The following SMS variants were observed in gnomAD, a reference collection of about 807,000 sequenced individuals.
SMS encodes spermidine aminopropyltransferase.
SMS carries 3 observed loss-of-function variants against 33.0 expected under a neutral mutation model. The observed-to-expected ratio is 0.09, with a 90% CI of 0.04 to 0.23. The LOEUF is 0.23. Among genes scored for constraint, SMS ranks in the 10% least tolerant of loss-of-function variants. SMS has a pLI of 1.00. For synonymous variants in SMS, 103 were observed against 112.2 expected (o/e 0.92, Z 0.52); for missense variants, 117 against 288.6 (o/e 0.41, Z 4.31).
chrX:21,970,851 G>A (rs1270825860), intron 2 of SMS, among the ~76,000 whole-genome samples: 1 of 106,738 alleles, frequency 9.4e-6, no homozygotes, highest in Non-Finnish European at 1.9e-5. Flanking sequence ...ATAATTTGTA[G>A]TAGGAGGTAA....
chrX:21,987,591 G>A (rs1364500416), intron 9 of SMS, among the ~76,000 whole-genome samples: 2 of 112,871 alleles, frequency 1.8e-5, no homozygotes, highest in African/African-American at 3.2e-5. Flanking sequence ...CTGAAGTGTT[G>A]AGATTACTGC....
At chrX:21,974,827 C>G (rs1043836117) in intron 4 of SMS, among the ~76,000 whole-genome samples, 1 of 102,054 alleles carries the variant, frequency 9.8e-6, no homozygotes, top group African/African-American at 3.6e-5. Flanking sequence ...CCCTTTGTTA[C>G]TGGCCTCAAA....
chrX:21,982,030 C>T (rs1035444513), intron 7 of SMS, among the ~76,000 whole-genome samples: 3 of 110,517 alleles, frequency 2.7e-5, no homozygotes, highest in African/African-American at 9.9e-5. Context: ...GTCAAATAAC[C>T]TGTAAAAAGT....
At chrX:21,951,134 A>G (rs1049048489) in intron 1 of SMS, among the ~76,000 whole-genome samples, 1 of 112,276 alleles carries the variant, frequency 8.9e-6, no homozygotes, top group Middle Eastern at 4.6e-3. Flanking sequence ...AATAAGGACC[A>G]TTCTAACTGG....
chrX:21,961,034 CTTTTTTTTTTTTT>C (rs773159264), intron 1 of SMS, among the ~76,000 whole-genome samples: 3 of 41,727 alleles, frequency 7.2e-5, no homozygotes, highest in African/African-American at 1.1e-4. Flanking sequence ...ATATGCATGT[CTTTTTTTTTTTTT>C]TTTTTTTTTT....
chrX:21,971,291 T>TAAAA (rs10634009), intron 2 of SMS, among the ~76,000 whole-genome samples: 33,376 of 110,508 alleles, frequency 0.3, 4,082 homozygotes, highest in African/African-American at 0.43. Flanking sequence ...TTTATTTCAT[T>TAAAA]AAGAAAAAGG....
chrX:21,983,370 C>G lies in SMS; in HGVS notation c.751-934C>G, dbSNP rs1168287015. Among the ~76,000 whole-genome samples, 4 of 102,953 alleles carry G rather than the reference C, an allele frequency of 3.9e-5. No homozygotes were observed. The Admixed American group carries it at 4.5e-4, about 12-fold the overall frequency. 89.4% of individuals were successfully genotyped at this position (102,953 alleles called of 115,157 possible). A position where few individuals can be genotyped will look rare whatever the true frequency, so the allele number is the denominator to read the frequency against. ...AAACTCTTAAACTCTTGGTTTCTGA[C>G]TATTATATTTAATTTTTCTTTTACT... On this transcript the variant is annotated intron_variant, in intron 7 of 10. Coordinates refer to ENST00000404933, the MANE Select transcript of SMS (RefSeq NM_004595.5).
chrX:21,979,818 C>G (rs971411123), intron 7 of SMS, among the ~76,000 whole-genome samples: 2 of 109,351 alleles, frequency 1.8e-5, no homozygotes, highest in African/African-American at 6.7e-5. Flanking sequence ...ACACTCCCAC[C>G]AACAGTATAA....
intron 1 of SMS, among the ~76,000 whole-genome samples, chrX:21,960,883 TAGAG>T (rs1469666287): frequency 9.0e-6 from 1 of 111,025 alleles, no homozygotes; most frequent in Non-Finnish European, 1.9e-5. Context: ...AGGTCACAAG[TAGAG>T]AGAGGTTTTT....
At chrX:21,961,295 C>G (rs1307437491) in intron 1 of SMS, among the ~76,000 whole-genome samples, 1 of 109,837 alleles carries the variant, frequency 9.1e-6, no homozygotes, top group Non-Finnish European at 1.9e-5. Flanking sequence ...AAAGTCCTGG[C>G]CAGTGAGTTT....
intron 9 of SMS, among the ~76,000 whole-genome samples, chrX:21,988,282 GT>G (rs3216386): frequency 7.3e-5 from 8 of 110,044 alleles, no homozygotes; most frequent in African/African-American, 2.0e-4. Flanking sequence ...CCACAGTGCA[GT>G]TTTTTTTTAA....
intron 7 of SMS, 114 bp from the exon 8 acceptor site, chrX:21,984,180 TGCTGTGGATA>T (rs2146953254): frequency 1.1e-5 from 6 of 551,106 alleles, no homozygotes; most frequent in East Asian, 3.4e-5. Flanking sequence ...CTGTAGCAGT[TGCTGTGGATA>T]GCTGTGGATA....
At chrX:21,957,687 A>G (rs1027290625) in intron 1 of SMS, among the ~76,000 whole-genome samples, 2 of 112,329 alleles carry the variant, frequency 1.8e-5, no homozygotes, top group Admixed American at 9.4e-5. Flanking sequence ...AGGAATCTCC[A>G]TGCTGTTTTC....
In SMS at chrX:21,992,725, C is replaced by G. The variant is rs374309366; in HGVS notation, c.1061+13C>G. On this transcript the variant is annotated intron_variant, in intron 10 of 10. Coordinates refer to ENST00000404933, the MANE Select transcript of SMS (RefSeq NM_004595.5). ...CATACTTGGAATTGTATCCTTTGAC[C>G]GTGACATTCTGTTGCCAGATCAAAG... 7.9e-6 allele frequency: 8 copies of G among 1,017,221 alleles called. No individual in the cohort carries two copies. The highest frequency in any genetic ancestry group is 1.1e-5 in the Non-Finnish European group (8 of 721,210). The allele number at this position is 1,017,221 out of a possible 1,213,427, so 83.8% of individuals were successfully genotyped here.
At chrX:21,948,514 C>T (rs1186701721) in intron 1 of SMS, among the ~76,000 whole-genome samples, 1 of 102,976 alleles carries the variant, frequency 9.7e-6, no homozygotes, top group Non-Finnish European at 1.9e-5. Context: ...TCTTCTCATC[C>T]CCTTAGTATG....
rs1320206154 is a variant in SMS, at chrX:21,967,081, TTTATTTATTTAC to T, written c.50-103_50-92del. On this transcript the variant is annotated intron_variant, in intron 1 of 10. Transcript: ENST00000404933. ...TTTTATTTATTTATTTATTTATTTA[TTTATTTATTTAC>T]TTATTTATTTATTTTTAAGCTCAGT... 1.6e-3 allele frequency: 390 copies of T among 237,025 alleles called. 5 individuals carry two copies. The highest frequency in any genetic ancestry group is 7.3e-3 in the East Asian group (71 of 9,722). The allele number at this position is 237,025 out of a possible 1,213,427, so 19.5% of individuals were successfully genotyped here.
intron 1 of SMS, among the ~76,000 whole-genome samples, chrX:21,943,190 A>G (rs1921946415): frequency 2.0e-5 from 2 of 101,010 alleles, no homozygotes; most frequent in African/African-American, 3.6e-5. Flanking sequence ...TGATCTCAGC[A>G]TGGAGCCCAA....
rs1925193276 is a variant in SMS at position 21,984,494 on chromosome X, G to C, written c.865+76G>C. On this transcript the variant is annotated intron_variant, in intron 8 of 10. Coordinates refer to ENST00000404933, the MANE Select transcript of SMS (RefSeq NM_004595.5). ...CATGTGAGGGTGAAAGGATCCTAGAGATTGTGTAGTTCTCTCACGTTTTTG... is the reference window on the plus strand; with the variant it reads ...CATGTGAGGGTGAAAGGATCCTAGACATTGTGTAGTTCTCTCACGTTTTTG... 4 of 675,444 alleles carry C rather than the reference G, an allele frequency of 5.9e-6. No individual in the cohort carries two copies. In the South Asian group the frequency reaches 6.6e-5, roughly 11 times the overall value. 55.7% of individuals were successfully genotyped at this position (675,444 alleles called of 1,213,427 possible).
chrX:21,944,539 A>AAAAAAAAAAAAAAAAAAAG (rs776946474), intron 1 of SMS, among the ~76,000 whole-genome samples: 1,098 of 80,834 alleles, frequency 0.014, 32 homozygotes, highest in Non-Finnish European at 0.018. Context: ...AAAAAAAAAA[A>AAAAAAAAAAAAAAAAAAAG]AAAAAAGAAA....
Sources: gnomAD v4.1 joint callset for allele counts (sites outside exome capture counted in the v4.1 genomes callset) on GRCh38, gnomAD v4.1.1 for gene constraint, MANE v1.5 for transcripts, NCBI Gene and HGNC (gene_info 2026-07-23, HGNC 2026-07-21) for gene names.